The following TSGA10 variants were observed in gnomAD, a reference collection of about 807,000 sequenced individuals.
The protein encoded by TSGA10 is testis specific 10.
TSGA10 carries 43 observed loss-of-function variants against 96.6 expected under a neutral mutation model. The observed-to-expected ratio is 0.44, with a 90% confidence interval of 0.35 to 0.57. The LOEUF is 0.57. Among genes scored for constraint, TSGA10 ranks in the 20% least tolerant of loss-of-function variants. The pLI, the probability that TSGA10 is intolerant of heterozygous loss-of-function variation, is 0.01. For missense variants in TSGA10, 703 were observed against 834.4 expected (o/e 0.84, Z 1.94); for synonymous variants, 229 against 269.9 (o/e 0.85, Z 1.48).
intron 4 of TSGA10, among the ~76,000 whole-genome samples, chr2:99,113,684 T>G (rs941344806): frequency 6.6e-6 from 1 of 152,172 alleles, no homozygotes; most frequent in African/African-American, 2.4e-5. Context: ...TAGCTGGGAT[T>G]ACAGGTGCCC....
intron 20 of TSGA10, among the ~76,000 whole-genome samples, chr2:98,999,836 C>T (rs557149591): frequency 1.4e-4 from 21 of 152,282 alleles, no homozygotes; most frequent in African/African-American, 4.8e-4. Flanking sequence ...GAAGCCATGA[C>T]CTTCCAGGCT....
intron 1 of TSGA10, among the ~76,000 whole-genome samples, chr2:99,134,549 G>GTTA (rs1262564558): frequency 6.6e-6 from 1 of 152,140 alleles, no homozygotes; most frequent in Non-Finnish European, 1.5e-5. Flanking sequence ...AGAGGAGCTT[G>GTTA]TTATTACCCA....
At chr2:99,109,177 C>T (rs1177511721) in intron 6 of TSGA10, among the ~76,000 whole-genome samples, 186 bp from the exon 7 acceptor site, 1 of 152,136 alleles carries the variant, frequency 6.6e-6, no homozygotes, top group Non-Finnish European at 1.5e-5. Flanking sequence ...CCACATTTGC[C>T]TGATTACCTC....
intron 2 of TSGA10, 158 bp downstream of exon 2, chr2:99,126,888 CTA>C (rs2092857690): frequency 1.7e-6 from 1 of 591,928 alleles, no homozygotes; most frequent in South Asian, 2.1e-5. Context: ...GACTCTGACT[CTA>C]TGTTTATCAA....
At chr2:99,030,184 T>C (rs760063826) in intron 17 of TSGA10, among the ~76,000 whole-genome samples, 58 of 148,344 alleles carry the variant, frequency 3.9e-4, no homozygotes, top group Admixed American at 1.2e-3. Flanking sequence ...CCGTCTCTAC[T>C]AAATACACAA....
intron 16 of TSGA10, among the ~76,000 whole-genome samples, chr2:99,039,628 A>G (rs575473767): frequency 6.6e-6 from 1 of 151,994 alleles, no homozygotes; most frequent in Non-Finnish European, 1.5e-5. Context: ...AGAAACAAAA[A>G]CAAAAAACTG....
chr2:99,136,517 G>GACTTCTACTTCTTCAAAAAAGA (rs2093331901), intron 1 of TSGA10, among the ~76,000 whole-genome samples: 6 of 108,060 alleles, frequency 5.6e-5, no homozygotes, highest in Admixed American at 2.9e-4. Flanking sequence ...AAGTATTTCT[G>GACTTCTACTTCTTCAAAAAAGA]CCGGGCGCGG....
At chr2:99,116,458 G>A (rs1211187672) in intron 4 of TSGA10, among the ~76,000 whole-genome samples, 1 of 151,982 alleles carries the variant, frequency 6.6e-6, no homozygotes, top group African/African-American at 2.4e-5. Context: ...AAAACAAATA[G>A]TCCAGAAAGT....
At chr2:99,023,537 G>A (rs543590782) in intron 17 of TSGA10, among the ~76,000 whole-genome samples, 26 of 152,110 alleles carry the variant, frequency 1.7e-4, no homozygotes, top group Admixed American at 5.2e-4. Flanking sequence ...TACAGTTTTG[G>A]CTGTTACATA....
chr2:99,111,630 A>AT (rs1444189467), intron 4 of TSGA10, among the ~76,000 whole-genome samples: 1 of 151,958 alleles, frequency 6.6e-6, no homozygotes, highest in Non-Finnish European at 1.5e-5. Flanking sequence ...CTCTTCTACG[A>AT]TTTTTCTGGC....
At chr2:99,041,846 T>C (rs989183314) in intron 16 of TSGA10, among the ~76,000 whole-genome samples, 6 of 152,046 alleles carry the variant, frequency 3.9e-5, no homozygotes, top group African/African-American at 1.4e-4. Flanking sequence ...CTAAAAAACT[T>C]CTGCACAGCA....
chr2:99,098,307 C>T (rs1039760521), intron 10 of TSGA10, among the ~76,000 whole-genome samples: 5 of 150,866 alleles, frequency 3.3e-5, no homozygotes, highest in East Asian at 1.9e-4. Context: ...GGCGTGGTGG[C>T]GGGCACCTGT....
At chr2:99,047,185 T>C (rs1462443382) in intron 16 of TSGA10, among the ~76,000 whole-genome samples, 3 of 152,096 alleles carry the variant, frequency 2.0e-5, no homozygotes, top group Non-Finnish European at 2.9e-5. Flanking sequence ...AGTATTCCAA[T>C]CAACAGAAAA....
chr2:99,029,692 A>G (rs976741129), intron 17 of TSGA10, among the ~76,000 whole-genome samples: 6 of 152,214 alleles, frequency 3.9e-5, no homozygotes, highest in Non-Finnish European at 5.9e-5. Context: ...ACAAAATTCA[A>G]TATCAATCTA....
intron 17 of TSGA10, among the ~76,000 whole-genome samples, chr2:99,026,032 T>C (rs945207191): frequency 6.6e-6 from 1 of 152,246 alleles, no homozygotes; most frequent in Non-Finnish European, 1.5e-5. Context: ...TGGAGGATCT[T>C]CCATGTTGAG....
At chr2:99,049,999 A>C (rs1194951463) in intron 16 of TSGA10, among the ~76,000 whole-genome samples, 1 of 152,202 alleles carries the variant, frequency 6.6e-6, no homozygotes, top group Non-Finnish European at 1.5e-5. Context: ...ATAAGATGAT[A>C]CAAATATAAT....
chr2:99,071,899 T>A (rs968907424), intron 13 of TSGA10, 25 bp from the exon 14 acceptor site: 28 of 1,577,972 alleles, frequency 1.8e-5, no homozygotes, highest in Non-Finnish European at 2.2e-5. Context: ...AAAGAGTACA[T>A]AAGAAGAGAC....
intron 10 of TSGA10, chr2:99,102,120 G>T: frequency 2.1e-6 from 3 of 1,455,350 alleles, no homozygotes; most frequent in South Asian, 1.1e-5. Context: ...AGAAGAGTTA[G>T]ATAGGGGTTA....
chr2:99,119,549 G>C (rs1321296479), intron 2 of TSGA10, among the ~76,000 whole-genome samples: 2 of 152,104 alleles, frequency 1.3e-5, no homozygotes, highest in Non-Finnish European at 2.9e-5. Context: ...ACTTGAAATT[G>C]AAGTGTTATC....
Sources: gnomAD v4.1 joint callset for allele counts (sites outside exome capture counted in the v4.1 genomes callset) on GRCh38, gnomAD v4.1.1 for gene constraint, MANE v1.5 for transcripts, NCBI Gene and HGNC (gene_info 2026-07-23, HGNC 2026-07-21) for gene names.